ATP9A: variants seen among roughly 807,000 people sequenced by gnomAD.
The protein encoded by ATP9A is ATPase phospholipid transporting 9A.
In ATP9A, 52 loss-of-function variants were observed where a neutral mutation model predicts 144.1. The ratio of observed to expected loss-of-function variants is 0.36; its 90% confidence interval spans 0.29 to 0.45. ATP9A has a LOEUF of 0.45. ATP9A is among the 20% of genes least tolerant of loss of function. ATP9A has a pLI of 1.00. For missense variants in ATP9A, 947 were observed against 1,392.7 expected (o/e 0.68, Z 5.09); for synonymous variants, 582 against 557.4 (o/e 1.04, Z -0.62).
At chr20:51,697,863 AAAAG>A (rs2077577398) in intron 4 of ATP9A, among the ~76,000 whole-genome samples, 1 of 152,240 alleles carries the variant, frequency 6.6e-6, no homozygotes, top group African/African-American at 2.4e-5. Flanking sequence ...AACACCACCA[AAAAG>A]AAAGAAGCTA....
At chr20:51,754,344 A>G (rs57526490) in intron 1 of ATP9A, among the ~76,000 whole-genome samples, 29,868 of 152,042 alleles carry the variant, frequency 0.2, 3,456 homozygotes, top group East Asian at 0.35. Flanking sequence ...TCTACTAAAA[A>G]TACAAAAAAG....
chr20:51,608,922 C>CATGTGT (rs74175563), intron 24 of ATP9A, among the ~76,000 whole-genome samples: 2 of 142,794 alleles, frequency 1.4e-5, no homozygotes, highest in South Asian at 2.3e-4. Flanking sequence ...GGAAATAAGA[C>CATGTGT]GTGTGTGTGT....
chr20:51,618,118 G>T (rs1457071941), intron 21 of ATP9A, among the ~76,000 whole-genome samples: 1 of 151,974 alleles, frequency 6.6e-6, no homozygotes, highest in Admixed American at 6.6e-5. Context: ...AACTCGGGAG[G>T]CTGAGGCAGG....
intron 14 of ATP9A, among the ~76,000 whole-genome samples, chr20:51,646,009 C>T (rs904693970): frequency 3.3e-5 from 5 of 152,142 alleles, no homozygotes; most frequent in Admixed American, 2.6e-4. Context: ...TGAACAGATA[C>T]ATTAGACGCG....
At chr20:51,678,110 AACAT>A (rs1438690790) in intron 9 of ATP9A, among the ~76,000 whole-genome samples, 1 of 149,000 alleles carries the variant, frequency 6.7e-6, no homozygotes, top group Non-Finnish European at 1.5e-5. Flanking sequence ...CAAGCGGAGA[AACAT>A]ACAGGACTGG....
At chr20:51,608,666 C>T (rs756479243) in intron 24 of ATP9A, 40 bp from the exon 25 acceptor site, 6 of 1,325,466 alleles carry the variant, frequency 4.5e-6, no homozygotes, top group Middle Eastern at 1.8e-4. Context: ...CTGGCTGACG[C>T]GATAGGAGCT....
At chr20:51,653,235 G>C (rs761772400) in intron 14 of ATP9A, among the ~76,000 whole-genome samples, 17 of 150,842 alleles carry the variant, frequency 1.1e-4, no homozygotes, top group Non-Finnish European at 1.6e-4. Context: ...AGACAAATCT[G>C]ATTTCAAGTG....
At chr20:51,731,800 A>T (rs1601134484) in intron 1 of ATP9A, among the ~76,000 whole-genome samples, 2 of 152,106 alleles carry the variant, frequency 1.3e-5, no homozygotes, top group Middle Eastern at 6.8e-3. Context: ...CTGGCCTTGA[A>T]CTGTGTCAGC....
chr20:51,717,583 C>T (rs2077667762), intron 3 of ATP9A, among the ~76,000 whole-genome samples: 1 of 152,044 alleles, frequency 6.6e-6, no homozygotes, highest in African/African-American at 2.4e-5. Flanking sequence ...AAGCTATAGT[C>T]AAAGGGAAAA....
chr20:51,635,563 C>A (rs1376735333), intron 15 of ATP9A, among the ~76,000 whole-genome samples: 2 of 151,784 alleles, frequency 1.3e-5, no homozygotes, highest in African/African-American at 4.8e-5. Flanking sequence ...TATGGTGAGA[C>A]CCTATCTTCA....
chr20:51,605,771 G>A (rs1424388704), intron 26 of ATP9A, among the ~76,000 whole-genome samples: 1 of 151,834 alleles, frequency 6.6e-6, no homozygotes, highest in Non-Finnish European at 1.5e-5. Flanking sequence ...AAATTAGCTG[G>A]ACGTGGAAGC....
intron 14 of ATP9A, among the ~76,000 whole-genome samples, chr20:51,645,755 C>A (rs559970407): frequency 1.3e-5 from 2 of 152,168 alleles, no homozygotes; most frequent in Admixed American, 1.3e-4. Flanking sequence ...TAACACCTCT[C>A]GATTGTGGGC....
At chr20:51,685,230 G>A (rs2077518053) in intron 9 of ATP9A, among the ~76,000 whole-genome samples, 1 of 152,018 alleles carries the variant, frequency 6.6e-6, no homozygotes, top group Non-Finnish European at 1.5e-5. Context: ...AGTTTCCTGG[G>A]TGAATCGAAA....
intron 14 of ATP9A, among the ~76,000 whole-genome samples, chr20:51,653,058 C>G (rs1300818585): frequency 3.3e-5 from 5 of 150,152 alleles, no homozygotes; most frequent in Admixed American, 1.3e-4. Context: ...TGCAGTGAGC[C>G]GAGATCACGC....
chr20:51,719,072 G>T (rs916262520), intron 3 of ATP9A, among the ~76,000 whole-genome samples: 1 of 151,302 alleles, frequency 6.6e-6, no homozygotes, highest in African/African-American at 2.4e-5. Context: ...AGGATGCAGC[G>T]AGCCAAGATC....
intron 19 of ATP9A, among the ~76,000 whole-genome samples, chr20:51,620,522 T>G (rs1460797704): frequency 6.6e-6 from 1 of 152,124 alleles, no homozygotes; most frequent in African/African-American, 2.4e-5. Context: ...TCATTAACAT[T>G]GAGCTCACAG....
intron 15 of ATP9A, among the ~76,000 whole-genome samples, chr20:51,631,530 G>C (rs748999372): frequency 6.6e-6 from 1 of 152,102 alleles, no homozygotes; most frequent in Non-Finnish European, 1.5e-5. Flanking sequence ...TATAAATACC[G>C]CATCAACGAT....
At position 51,625,276 on chromosome 20, in the gene ATP9A, T is replaced by C; in HGVS notation, c.1932A>G (p.Glu644=). 1 of 1,614,208 alleles carries C rather than the reference T, an allele frequency of 6.2e-7. No homozygotes were observed. The highest frequency in any genetic ancestry group is 1.1e-5 in the South Asian group (1 of 91,088). The change falls in exon 18 of 28, where the codon GAA becomes GAG. Residue 644 remains glutamate, a synonymous_variant. Transcript: ENST00000338821. The stretch of plus-strand genomic sequence containing the variant: ...CCTCCACGCCCGTCAGGCACAGCAG[T>C]TCCATCTCCATCTCCAGGCTCTCGA... ...TVIESLEMEM[E]LLCLTGVEDQ...
chr20:51,677,704 G>A (rs998064069), intron 9 of ATP9A, among the ~76,000 whole-genome samples: 3 of 152,086 alleles, frequency 2.0e-5, no homozygotes, highest in Admixed American at 1.3e-4. Context: ...TCTGTCCCAA[G>A]GACAACTCTT....
Sources: gnomAD v4.1 joint callset for allele counts (sites outside exome capture counted in the v4.1 genomes callset) on GRCh38, gnomAD v4.1.1 for gene constraint, MANE v1.5 for transcripts, NCBI Gene and HGNC (gene_info 2026-07-23, HGNC 2026-07-21) for gene names.